The following CAMK4 variants were observed in gnomAD, a reference collection of about 807,000 sequenced individuals.
CAMK4 encodes calcium/calmodulin-dependent protein kinase type IV.
Under a neutral mutation model 44.9 loss-of-function variants are expected in CAMK4, and 22 were observed. That is an observed-to-expected ratio of 0.49 (90% confidence interval 0.35 to 0.70). The LOEUF (loss-of-function observed/expected upper bound fraction) is 0.70. Ranked by LOEUF, CAMK4 falls within the 30% of genes least tolerant of loss-of-function variation. CAMK4 has a pLI of 0.01. For synonymous variants in CAMK4, 218 were observed against 215.4 expected, an observed-to-expected ratio of 1.01 and a Z score of -0.11; for missense variants, 498 against 586.8, an observed-to-expected ratio of 0.85 and a Z score of 1.56.
chr5:111,300,895 C>T (rs1747690744), intron 1 of CAMK4, among the ~76,000 whole-genome samples: 1 of 152,082 alleles, frequency 6.6e-6, no homozygotes, highest in Non-Finnish European at 1.5e-5. Flanking sequence ...TGGGAAAAAA[C>T]TTGAAAATCA....
chr5:111,303,657 T>C (rs1170319213), intron 1 of CAMK4, among the ~76,000 whole-genome samples: 1 of 141,988 alleles, frequency 7.0e-6, no homozygotes, highest in African/African-American at 2.8e-5. Flanking sequence ...TGGAACCAAG[T>C]TGGAAAACAC....
intron 1 of CAMK4, among the ~76,000 whole-genome samples, chr5:111,225,580 A>T (rs779417662): frequency 6.6e-5 from 10 of 152,140 alleles, no homozygotes; most frequent in African/African-American, 1.9e-4. Context: ...ACGGTTGACA[A>T]GTTGCAGCTT....
intron 1 of CAMK4, chr5:111,302,472 G>C (rs1386599658): frequency 6.8e-6 from 1 of 146,612 alleles, no homozygotes; most frequent in Non-Finnish European, 1.5e-5. Flanking sequence ...CCAAGTCAAA[G>C]AAAGGGGTGA....
rs200566906 is a variant in CAMK4, at chr5:111,460,265, C to CTTTTTTTTTTTTTTT, written c.625+11067_625+11068insTTTTTTTTTTTTTTT. Among the ~76,000 whole-genome samples, 20 of 122,712 alleles carry CTTTTTTTTTTTTTTT rather than the reference C, an allele frequency of 1.6e-4. 3 individuals are homozygous for CTTTTTTTTTTTTTTT. Among genetic ancestry groups the CTTTTTTTTTTTTTTT allele is most frequent in the Admixed American group, 2.6e-4 (3 of 11,710 alleles). The allele number at this position is 122,712 out of a possible 152,430, so 80.5% of individuals were successfully genotyped here. Reference sequence around the variant, plus strand: ...TAATGTTTTTCTTTTCTTTTCTTTTCTTTTTCTTTTTTTTTTTTTTGAGGC... The same window carrying CTTTTTTTTTTTTTTT: ...TAATGTTTTTCTTTTCTTTTCTTTTCTTTTTTTTTTTTTTTTTTTTCTTTTTTTTTTTTTTGAGGC... On this transcript the variant is annotated intron_variant, in intron 7 of 10. Coordinates refer to ENST00000282356, the MANE Select transcript of CAMK4 (RefSeq NM_001744.6).
chr5:111,413,765 T>G lies in CAMK4; in HGVS notation c.459+18983T>G, dbSNP rs185331520. ...TTCTTGATGTAGGATAAACAGAAAA[T>G]ATAGGTTCAAATATTTTGTAAAATC... On this transcript the variant is annotated intron_variant, in intron 5 of 10. Coordinates refer to ENST00000282356, the MANE Select transcript of CAMK4 (RefSeq NM_001744.6). 9.2e-5 allele frequency among the ~76,000 whole-genome samples: 14 copies of G among 151,984 alleles called. No homozygotes were observed. The East Asian group carries it at 2.7e-3, about 29-fold the overall frequency.
chr5:111,294,479 C>T (rs1351831087), intron 1 of CAMK4, among the ~76,000 whole-genome samples: 1 of 152,022 alleles, frequency 6.6e-6, no homozygotes, highest in African/African-American at 2.4e-5. Context: ...TTAGAAGAAA[C>T]AGCTTAAAAG....
At chr5:111,319,290 A>G (rs1333136377) in intron 1 of CAMK4, among the ~76,000 whole-genome samples, 1 of 152,202 alleles carries the variant, frequency 6.6e-6, no homozygotes, top group Non-Finnish European at 1.5e-5. Flanking sequence ...ATAGACTTCC[A>G]CAAGAGACTG....
intron 2 of CAMK4, among the ~76,000 whole-genome samples, chr5:111,369,314 C>T (rs1750916886): frequency 6.6e-6 from 1 of 152,082 alleles, no homozygotes; most frequent in Non-Finnish European, 1.5e-5. Flanking sequence ...ATCCACCCAC[C>T]TTGGCCTCCC....
intron 1 of CAMK4, among the ~76,000 whole-genome samples, chr5:111,228,457 C>T (rs1210721776): frequency 6.6e-6 from 1 of 150,966 alleles, no homozygotes; most frequent in African/African-American, 2.4e-5. Flanking sequence ...TATATAGGAT[C>T]CCTTGCTATA....
At chr5:111,328,928 T>C (rs764086703) in intron 1 of CAMK4, among the ~76,000 whole-genome samples, 21 of 152,046 alleles carry the variant, frequency 1.4e-4, no homozygotes, top group East Asian at 1.9e-4. Context: ...CGATGGGGTT[T>C]TGTAGATGTA....
At chr5:111,417,198 C>A (rs947722365) in intron 5 of CAMK4, among the ~76,000 whole-genome samples, 1 of 150,884 alleles carries the variant, frequency 6.6e-6, no homozygotes, top group Non-Finnish European at 1.5e-5. Context: ...GTGGCTGAGA[C>A]TATAGGCATG....
chr5:111,300,526 T>C (rs1462128159), intron 1 of CAMK4, among the ~76,000 whole-genome samples: 1 of 152,246 alleles, frequency 6.6e-6, no homozygotes, highest in African/African-American at 2.4e-5. Flanking sequence ...TTTAAATTAA[T>C]GTTTTATTTT....
chr5:111,438,628 G>A (rs1425195187), intron 5 of CAMK4, among the ~76,000 whole-genome samples: 1 of 152,152 alleles, frequency 6.6e-6, no homozygotes, highest in East Asian at 1.9e-4. Context: ...CAGAAGGAAA[G>A]AGTAGACAAA....
intron 1 of CAMK4, among the ~76,000 whole-genome samples, chr5:111,267,388 G>C (rs1750294654): frequency 6.6e-6 from 1 of 152,002 alleles, no homozygotes; most frequent in South Asian, 2.1e-4. Flanking sequence ...TTCATTTCTT[G>C]TGTATTACAT....
rs1386694395 is a variant in CAMK4 at position 111,328,909 on chromosome 5, G to T, written c.162-15115G>T. ...TCGCTTATCAGCTTGAGGAGATTTT[G>T]GGCTGAGACGATGGGGTTTTGTAGA... On this transcript the variant is annotated intron_variant, in intron 1 of 10. Coordinates refer to ENST00000282356, the MANE Select transcript of CAMK4 (RefSeq NM_001744.6). Among the ~76,000 whole-genome samples the T allele has an allele frequency of 3.9e-5, 6 of 151,900 alleles. No individual in the cohort carries two copies. The East Asian group carries it at 7.7e-4, about 20-fold the overall frequency.
chr5:111,479,900 C>G (rs1248510911), intron 9 of CAMK4, among the ~76,000 whole-genome samples: 1 of 152,112 alleles, frequency 6.6e-6, no homozygotes, highest in African/African-American at 2.4e-5. Context: ...CCCCAACCTC[C>G]TATCTGACCT....
chr5:111,282,745 C>T (rs912399604), intron 1 of CAMK4: 20 of 152,160 alleles, frequency 1.3e-4, no homozygotes, highest in African/African-American at 4.8e-4. Context: ...TATCCTTGTA[C>T]AGTGCTCCTC....
intron 7 of CAMK4, among the ~76,000 whole-genome samples, chr5:111,461,256 G>A (rs1008984070): frequency 6.6e-6 from 1 of 152,134 alleles, no homozygotes; most frequent in Non-Finnish European, 1.5e-5. Flanking sequence ...AGCATGGCAC[G>A]CATAGAATTG....
chr5:111,471,202 C>T lies in CAMK4; in HGVS notation c.626-2109C>T, dbSNP rs533792766. Among the ~76,000 whole-genome samples the T allele has an allele frequency of 1.4e-3, 209 of 152,062 alleles. 1 individual carries two copies. The highest frequency in any genetic ancestry group is 4.9e-3 in the African/African-American group (201 of 41,318). The stretch of plus-strand genomic sequence containing the variant: ...CGATCTGGATGCAACAGTGTTGTCA[C>T]CCATCGAGTGAAAACTTTGCTCAAC... On this transcript the variant is annotated intron_variant, in intron 7 of 10. Coordinates refer to ENST00000282356, the MANE Select transcript of CAMK4 (RefSeq NM_001744.6).
Sources: allele counts gnomAD v4.1 joint callset (sites outside exome capture counted in the v4.1 genomes callset), GRCh38; gene constraint gnomAD v4.1.1; transcripts MANE v1.5; gene names NCBI Gene and HGNC (gene_info 2026-07-23, HGNC 2026-07-21).